Variants in RAD51B observed in about 807,000 individuals in gnomAD.
RAD51B encodes the protein RAD51 paralog B.
A neutral mutation model predicts 42.2 loss-of-function variants in RAD51B; 38 were observed. The ratio of observed to expected loss-of-function variants is 0.90; its 90% confidence interval spans 0.70 to 1.18. The LOEUF (loss-of-function observed/expected upper bound fraction) is 1.18, where lower values mean the gene tolerates loss of function less well. RAD51B is among the 50% of genes most tolerant of loss of function. The pLI, the probability that RAD51B is intolerant of heterozygous loss-of-function variation, is 0.00. For missense variants in RAD51B, 373 were observed against 400.7 expected, an observed-to-expected ratio of 0.93 and a Z score of 0.59; for synonymous variants, 154 against 145.2, an observed-to-expected ratio of 1.06 and a Z score of -0.43.
chr14:68,256,956 T>C (rs1293329583), intron 7 of RAD51B, among the ~76,000 whole-genome samples: 1 of 152,220 alleles, frequency 6.6e-6, no homozygotes, highest in East Asian at 1.9e-4. Flanking sequence ...ACTTTATTTC[T>C]GGAGTATAGG....
chr14:68,665,245 C>T (rs17835218), intron 11 of RAD51B, among the ~76,000 whole-genome samples: 30,212 of 152,294 alleles, frequency 0.2, 3,302 homozygotes, highest in Admixed American at 0.23. Flanking sequence ...AAGGTGACCT[C>T]GTCACAGGCC....
intron 7 of RAD51B, among the ~76,000 whole-genome samples, chr14:68,224,448 A>G (rs2079994466): frequency 6.6e-6 from 1 of 152,078 alleles, no homozygotes; most frequent in Non-Finnish European, 1.5e-5. Flanking sequence ...TTTCACCTTG[A>G]GCAGCAGTCA....
intron 10 of RAD51B, among the ~76,000 whole-genome samples, chr14:68,548,117 T>C (rs2140378253): frequency 6.6e-6 from 1 of 152,214 alleles, no homozygotes; most frequent in East Asian, 1.9e-4. Flanking sequence ...AGCAGGATAT[T>C]CTCATGTTCT....
At chr14:68,157,281 AAG>A (rs2140804152) in intron 7 of RAD51B, among the ~76,000 whole-genome samples, 1 of 152,324 alleles carries the variant, frequency 6.6e-6, no homozygotes, top group East Asian at 1.9e-4. Context: ...ACACCCATAA[AAG>A]AGTGCTATTA....
chr14:68,284,050 C>A (rs1454100278), intron 7 of RAD51B, among the ~76,000 whole-genome samples: 1 of 152,222 alleles, frequency 6.6e-6, no homozygotes, highest in African/African-American at 2.4e-5. Flanking sequence ...CCTCCTTCTG[C>A]ATTCCCTCAG....
intron 10 of RAD51B, among the ~76,000 whole-genome samples, chr14:68,488,996 C>T (rs1448223718): frequency 6.6e-6 from 1 of 151,936 alleles, no homozygotes; most frequent in Admixed American, 6.6e-5. Flanking sequence ...TCTTGTTGCC[C>T]AAGGCGGAGT....
intron 10 of RAD51B, among the ~76,000 whole-genome samples, chr14:68,608,774 G>A (rs1041078458): frequency 6.6e-6 from 1 of 152,164 alleles, no homozygotes; most frequent in Admixed American, 6.5e-5. Flanking sequence ...TTCCCAACAG[G>A]TGCTATCGCT....
chr14:68,309,861 A>C (rs993889049), intron 8 of RAD51B, among the ~76,000 whole-genome samples: 1 of 152,162 alleles, frequency 6.6e-6, no homozygotes, highest in Non-Finnish European at 1.5e-5. Context: ...GGAAGTGAAT[A>C]ATCATGGGGA....
chr14:68,211,870 T>C (rs566146664), intron 7 of RAD51B, among the ~76,000 whole-genome samples: 1 of 152,240 alleles, frequency 6.6e-6, no homozygotes, highest in East Asian at 1.9e-4. Flanking sequence ...AGTCCTTCTT[T>C]GTTGGAAATT....
rs143482499 is a variant in RAD51B, at chr14:68,032,654, A to G, written c.756+145450A>G. On this transcript the variant is annotated intron_variant, in intron 7 of 10. Transcript: ENST00000471583. ...AGTCCAAGGCACTATCATCTCACAC[A>G]GTATTGTGACAATAGCCTTCTACTA... Among the ~76,000 whole-genome samples, 1,416 of 152,282 alleles carry G rather than the reference A, an allele frequency of 9.3e-3. 22 individuals are homozygous for G. Among genetic ancestry groups the G allele is most frequent in the African/African-American group, 0.032 (1,348 of 41,546 alleles).
At chr14:68,089,573 G>T (rs1164646840) in intron 7 of RAD51B, among the ~76,000 whole-genome samples, 1 of 152,028 alleles carries the variant, frequency 6.6e-6, no homozygotes, top group Non-Finnish European at 1.5e-5. Context: ...TGCTTCAAAC[G>T]ACCTTTTGAT....
chr14:68,090,586 C>A (rs2077075391), intron 7 of RAD51B, among the ~76,000 whole-genome samples: 1 of 151,902 alleles, frequency 6.6e-6, no homozygotes, highest in African/African-American at 2.4e-5. Flanking sequence ...GTTTGTACTT[C>A]AGGTTTGCAA....
downstream of RAD51B, among the ~76,000 whole-genome samples, chr14:68,599,147 C>A (rs1891119791): frequency 6.6e-6 from 1 of 152,180 alleles, no homozygotes; most frequent in Non-Finnish European, 1.5e-5. Flanking sequence ...GTACCCTATT[C>A]CCACACTCTT....
At chr14:67,946,812 G>A (rs767331552) in intron 7 of RAD51B, among the ~76,000 whole-genome samples, 1 of 152,168 alleles carries the variant, frequency 6.6e-6, no homozygotes, top group Admixed American at 6.5e-5. Flanking sequence ...CCTATCTTCT[G>A]CCATATTCTA....
intron 7 of RAD51B, among the ~76,000 whole-genome samples, chr14:68,075,953 G>A (rs2140478580): frequency 6.6e-6 from 1 of 152,380 alleles, no homozygotes; most frequent in South Asian, 2.1e-4. Flanking sequence ...TCTCCTGAGA[G>A]ATGCAGAGTT....
At chr14:68,533,341 T>C (rs1438909445) in intron 10 of RAD51B, among the ~76,000 whole-genome samples, 1 of 152,188 alleles carries the variant, frequency 6.6e-6, no homozygotes, top group African/African-American at 2.4e-5. Flanking sequence ...TTTTTAAAGA[T>C]GGGAGATTCC....
At chr14:67,974,790 G>T (rs1381715298) in intron 7 of RAD51B, among the ~76,000 whole-genome samples, 1 of 152,036 alleles carries the variant, frequency 6.6e-6, no homozygotes, top group Non-Finnish European at 1.5e-5. Flanking sequence ...AAACAATTTG[G>T]TAATCAATTA....
At chr14:68,429,387 C>T (rs1173858618) in intron 9 of RAD51B, among the ~76,000 whole-genome samples, 1 of 152,124 alleles carries the variant, frequency 6.6e-6, no homozygotes, top group Non-Finnish European at 1.5e-5. Context: ...TAAAAGTGTT[C>T]CTATTTCTCC....
At position 67,835,104 on chromosome 14, in the gene RAD51B, T is replaced by A; in HGVS notation, c.223T>A (p.Ser75Thr). The change falls in exon 4 of 11, where the codon TCT becomes ACT. Residue 75 changes from serine (S) to threonine (T), a missense_variant. Transcript: ENST00000471583. ...QTAYGIKAQR[S>T]ADFSPAFLST... ...GGCTTATGGGATAAAAGCACAAAGGTCTGCTGATTTCTCACCAGCATTCTT... is the reference window on the plus strand; with the variant it reads ...GGCTTATGGGATAAAAGCACAAAGGACTGCTGATTTCTCACCAGCATTCTT... 1 of 1,613,290 alleles carries A rather than the reference T, an allele frequency of 6.2e-7. No individual in the cohort carries two copies. The highest frequency in any genetic ancestry group is 8.5e-7 in the Non-Finnish European group (1 of 1,179,294).
Sources: gnomAD v4.1 joint callset for allele counts (sites outside exome capture counted in the v4.1 genomes callset) on GRCh38, gnomAD v4.1.1 for gene constraint, MANE v1.5 for transcripts, NCBI Gene and HGNC (gene_info 2026-07-23, HGNC 2026-07-21) for gene names.